Variants in CCNH observed in about 807,000 individuals in gnomAD.
CCNH encodes cyclin H, also known as cyclin-H.
In CCNH, 31 loss-of-function variants were observed where a neutral mutation model predicts 41.9. That is an observed-to-expected ratio of 0.74 (90% CI 0.56 to 1.00). CCNH has a LOEUF of 1.00. Among genes scored for constraint, CCNH ranks in the 50% least tolerant of loss-of-function variants. The probability of loss-of-function intolerance (pLI) is 0.00; values close to 1 mark genes in which losing one functional copy is unlikely to be tolerated. For missense variants in CCNH, 362 were observed against 388.4 expected (o/e 0.93, Z 0.57); for synonymous variants, 138 against 136.1 (o/e 1.01, Z -0.10).
At chr5:87,359,244 G>A (rs1417990844) in intron 9 of CCNH, among the ~76,000 whole-genome samples, 1 of 152,138 alleles carries the variant, frequency 6.6e-6, no homozygotes, top group East Asian at 1.9e-4. Flanking sequence ...GCTTACACAT[G>A]TAACTTCTAG....
Position 87,343,269 on chromosome 5 carries a change from C to T in CCNH, c.*91-24372G>A, listed in dbSNP as rs79894685. 7.5e-3 allele frequency among the ~76,000 whole-genome samples: 1,139 copies of T among 152,174 alleles called. 16 individuals are homozygous for T. Among genetic ancestry groups the T allele is most frequent in the African/African-American group, 0.026 (1,099 of 41,506 alleles). The stretch of plus-strand genomic sequence containing the variant: ...CTTAAAGTATTTCTTAAATGTTTAC[C>T]GCCTTCTCAAATCTTAAATAACTAC... On this transcript the variant is annotated intron_variant and NMD_transcript_variant, in intron 9 of 9. Transcript: ENST00000645953.
upstream of CCNH, chr5:87,380,511 C>T (rs1026954296): frequency 5.6e-6 from 9 of 1,611,298 alleles, no homozygotes; most frequent in Non-Finnish European, 7.6e-6. Context: ...TTTGGCAGGA[C>T]ATTGAGATAT....
rs1763673562 is a variant in CCNH at position 87,404,886 on chromosome 5, G to A, written c.647C>T (p.Ala216Val). Residue 216 changes from alanine to valine, a missense_variant, in exon 5 of 9, where the codon GCC (alanine) becomes GTC (valine). Coordinates refer to ENST00000256897, the MANE Select transcript of CCNH (RefSeq NM_001239.4). ...AGCCCTGGAGGCACTAGATAAAATG[G>A]CAGTCAGGGCAATTTGGGAAGGTGT... ...LYTPSQIALT[A>V]ILSSASRAGI... 5.0e-6 allele frequency: 8 copies of A among 1,613,164 alleles called. No individual in the cohort carries two copies. The African/African-American group carries it at 5.3e-5, about 11-fold the overall frequency.
chr5:87,389,632 A>G (rs992348361), downstream of CCNH: 9 of 1,447,704 alleles, frequency 6.2e-6, no homozygotes, highest in African/African-American at 9.8e-5. Flanking sequence ...GTTACATTAA[A>G]TTTTTGAGAC....
At chr5:87,388,591 A>G (rs1023713143), downstream of CCNH, among the ~76,000 whole-genome samples, 7 of 152,186 alleles carry the variant, frequency 4.6e-5, no homozygotes, top group African/African-American at 1.4e-4. Flanking sequence ...TATTCAACCT[A>G]TACTATAAAC....
chr5:87,378,965 CTT>C (rs1442307581), upstream of CCNH, among the ~76,000 whole-genome samples: 1 of 151,968 alleles, frequency 6.6e-6, no homozygotes, highest in Non-Finnish European at 1.5e-5. Context: ...ACAAAAAAAT[CTT>C]TTTAGGATTA....
intron 6 of CCNH, 58 bp from the exon 7 acceptor site, chr5:87,399,563 A>C: frequency 9.2e-7 from 1 of 1,086,490 alleles, no homozygotes; most frequent in Non-Finnish European, 1.4e-6. Context: ...TCTCATAGTA[A>C]GGGAGCTGGT....
chr5:87,351,740 A>C (rs1205540243), intron 9 of CCNH, among the ~76,000 whole-genome samples: 1 of 151,760 alleles, frequency 6.6e-6, no homozygotes, highest in Non-Finnish European at 1.5e-5. Flanking sequence ...AATTTTTAAA[A>C]AAACTCTTAA....
At chr5:87,376,209 G>A, downstream of CCNH, 1 of 682,822 alleles carries the variant, frequency 1.5e-6, no homozygotes, top group Non-Finnish European at 2.5e-6. Context: ...ACCTATCAGA[G>A]TTTAGTGCAC....
chr5:87,372,118 G>C, downstream of CCNH: 1 of 1,613,078 alleles, frequency 6.2e-7, no homozygotes. Context: ...TTCTTTGCAG[G>C]ATTGGATGAA....
chr5:87,353,359 A>G, intron 9 of CCNH: 1 of 818,626 alleles, frequency 1.2e-6, no homozygotes, highest in South Asian at 1.6e-5. Flanking sequence ...GATTATTTAG[A>G]TTTTTTTAGA....
At chr5:87,402,180 T>A (rs1360270349) in intron 5 of CCNH, among the ~76,000 whole-genome samples, 1 of 152,208 alleles carries the variant, frequency 6.6e-6, no homozygotes, top group African/African-American at 2.4e-5. Context: ...AACTGGAATC[T>A]GGCACTAGTA....
intron 9 of CCNH, among the ~76,000 whole-genome samples, chr5:87,324,949 ATTTTTTTAT>A (rs1561282241): frequency 6.6e-6 from 1 of 151,920 alleles, no homozygotes. Flanking sequence ...TGCTTTTTTA[ATTTTTTTAT>A]TTTTTTTTAA....
chr5:87,411,746 G>A (rs545303182), intron 1 of CCNH, among the ~76,000 whole-genome samples: 1 of 152,202 alleles, frequency 6.6e-6, no homozygotes, highest in East Asian at 1.9e-4. Context: ...TAAAAAAACA[G>A]CAAATGTTTC....
At position 87,405,928 on chromosome 5, in the gene CCNH, T is replaced by C. The variant is rs3093801; in HGVS notation, c.526-921A>G. On this transcript the variant is annotated intron_variant, in intron 4 of 8. Coordinates refer to ENST00000256897, the MANE Select transcript of CCNH (RefSeq NM_001239.4). ...GAAAACCATACAAGCAGAAGTCTGG[T>C]AATGTTACTATAAACTCATGTTCAT... is the stretch of plus-strand genomic sequence containing the variant. Among the ~76,000 whole-genome samples, 1,145 of 152,186 alleles carry C rather than the reference T, an allele frequency of 7.5e-3. 9 individuals are homozygous for C. The highest frequency in any genetic ancestry group is 0.023 in the African/African-American group (953 of 41,520).
chr5:87,369,895 G>A, intron 9 of CCNH: 1 of 1,604,228 alleles, frequency 6.2e-7, no homozygotes, highest in Non-Finnish European at 8.5e-7. Context: ...TCCAGAACAA[G>A]CAGAGGTAAG....
intron 9 of CCNH, among the ~76,000 whole-genome samples, chr5:87,360,746 TATC>T (rs1205916206): frequency 7.2e-5 from 11 of 152,144 alleles, no homozygotes; most frequent in Non-Finnish European, 1.5e-4. Context: ...AATTCAAGTA[TATC>T]ATCATCTGAA....
At chr5:87,338,536 A>ATATATTTTTT in intron 9 of CCNH, among the ~76,000 whole-genome samples, 10 of 85,212 alleles carry the variant, frequency 1.2e-4, no homozygotes, top group African/African-American at 4.0e-4. Flanking sequence ...TATATATAAA[A>ATATATTTTTT]TTTTTTTTTT....
At chr5:87,318,218 C>G (rs951632243), downstream of CCNH, among the ~76,000 whole-genome samples, 2 of 152,048 alleles carry the variant, frequency 1.3e-5, no homozygotes, top group African/African-American at 4.8e-5. Context: ...ATGCAAAGCA[C>G]TGTACTAAGA....
Sources: allele counts gnomAD v4.1 joint callset (sites outside exome capture counted in the v4.1 genomes callset), GRCh38; gene constraint gnomAD v4.1.1; transcripts MANE v1.5; gene names NCBI Gene and HGNC (gene_info 2026-07-23, HGNC 2026-07-21).